PLEKHA5: variants seen among roughly 807,000 people sequenced by gnomAD.
PLEKHA5 encodes pleckstrin homology domain-containing family A member 5.
PLEKHA5 carries 55 observed loss-of-function variants against 181.9 expected under a neutral mutation model. The observed-to-expected ratio is 0.30, with a 90% CI of 0.24 to 0.38. PLEKHA5 has a LOEUF of 0.38. PLEKHA5 is among the 10% of genes least tolerant of loss of function. The probability of loss-of-function intolerance (pLI) is 1.00; values close to 1 mark genes in which losing one functional copy is unlikely to be tolerated. For synonymous variants in PLEKHA5, 535 were observed against 529.4 expected (o/e 1.01, Z -0.15); for missense variants, 1,432 against 1,549.5 (o/e 0.92, Z 1.27).
chr12:19,356,447 G>A (rs2094931828), intron 26 of PLEKHA5, among the ~76,000 whole-genome samples: 1 of 152,010 alleles, frequency 6.6e-6, no homozygotes, highest in Non-Finnish European at 1.5e-5. Context: ...TTGAGCCCAG[G>A]AGGTCGAGGT....
At chr12:19,277,526 A>G (rs1035608244) in intron 11 of PLEKHA5, among the ~76,000 whole-genome samples, 1 of 152,132 alleles carries the variant, frequency 6.6e-6, no homozygotes. Flanking sequence ...GGTTCCTCCT[A>G]CATTTTTGGG....
At position 19,366,098 on chromosome 12, in the gene PLEKHA5, A is replaced by G; in HGVS notation, c.3743A>G (p.Gln1248Arg). 6.2e-7 allele frequency: 1 copy of G among 1,611,026 alleles called. No homozygotes were observed. Residue 1248 changes from glutamine (Q) to arginine (R), a missense_variant, in exon 30 of 32, where the codon CAA becomes CGA. Gln to Arg is a conservative substitution (Grantham distance 43). This residue lies in a region of PLEKHA5 where 1,143 missense variants were observed against 1,168.4 expected (regional missense o/e 0.98). Coordinates refer to ENST00000429027, the MANE Select transcript of PLEKHA5 (RefSeq NM_001256470.2). The part of the protein sequence containing the change: ...ESTPEVSRGN[Q>R]TMAVKSLSPS... ...ACTCCTGAGGTTTCTAGAGGAAATC[A>G]AACAATGGCAGGTAGGTAGTATACA...
chr12:19,238,564 C>G (rs988444348), intron 3 of PLEKHA5, among the ~76,000 whole-genome samples: 1 of 151,912 alleles, frequency 6.6e-6, no homozygotes, highest in African/African-American at 2.4e-5. Flanking sequence ...ATTTCTATTC[C>G]CTTTTAAAAT....
chr12:19,323,537 G>A (rs181762036), intron 20 of PLEKHA5, among the ~76,000 whole-genome samples: 1 of 151,626 alleles, frequency 6.6e-6, no homozygotes, highest in African/African-American at 2.4e-5. Flanking sequence ...AAATAGCAAG[G>A]CTGGGTGCGG....
chr12:19,288,609 GTTTTA>G (rs1273584367), intron 13 of PLEKHA5, among the ~76,000 whole-genome samples: 6 of 152,064 alleles, frequency 3.9e-5, no homozygotes, highest in African/African-American at 7.2e-5. Flanking sequence ...TAAAAACATT[GTTTTA>G]TTTTATCTTT....
At chr12:19,367,444 A>G (rs180996993) in intron 30 of PLEKHA5, among the ~76,000 whole-genome samples, 2,015 of 141,660 alleles carry the variant, frequency 0.014, 39 homozygotes, top group African/African-American at 0.05. Flanking sequence ...TTGTAGAGGC[A>G]GGGTCTCGCC....
chr12:19,157,804 A>G (rs1283272486), intron 3 of PLEKHA5, among the ~76,000 whole-genome samples: 1 of 152,182 alleles, frequency 6.6e-6, no homozygotes, highest in African/African-American at 2.4e-5. Flanking sequence ...ATTTTTTATC[A>G]ATTGTGCTTT....
chr12:19,174,193 T>A (rs190831041), intron 3 of PLEKHA5, among the ~76,000 whole-genome samples: 133 of 152,320 alleles, frequency 8.7e-4, no homozygotes, highest in African/African-American at 3.1e-3. Flanking sequence ...TAAATGCCTG[T>A]AAGGGGCATG....
chr12:19,239,261 T>C (rs1323798094), intron 3 of PLEKHA5, among the ~76,000 whole-genome samples: 4 of 152,198 alleles, frequency 2.6e-5, no homozygotes, highest in Non-Finnish European at 5.9e-5. Flanking sequence ...GTTGATAGCA[T>C]GCCCTGCGTT....
intron 3 of PLEKHA5, among the ~76,000 whole-genome samples, chr12:19,169,194 A>T (rs564003571): frequency 6.6e-6 from 1 of 152,226 alleles, no homozygotes; most frequent in Non-Finnish European, 1.5e-5. Flanking sequence ...TAACTTAAGG[A>T]ACAATGTTGA....
In PLEKHA5 at chr12:19,358,412, G is replaced by A; in HGVS notation, c.3323G>A (p.Arg1108Lys). The change falls in exon 27 of 32, where the codon AGG (arginine) becomes AAG (lysine). Residue 1108 changes from arginine (R) to lysine (K), a missense_variant. Transcript: ENST00000429027. The stretch of plus-strand genomic sequence containing the variant: ...CCCTTACAAAGCCCTTCAAATTTAA[G>A]GGATAATCCATTTAGGACTACTCAG... ...QSPLQSPSNL[R>K]DNPFRTTQTR... The A allele has an allele frequency of 6.2e-7, 1 of 1,611,776 alleles. No individual in the cohort carries two copies. The highest frequency in any genetic ancestry group is 1.3e-5 in the African/African-American group (1 of 74,936).
intron 10 of PLEKHA5, among the ~76,000 whole-genome samples, chr12:19,272,059 A>G (rs1429516703): frequency 6.6e-6 from 1 of 152,164 alleles, no homozygotes; most frequent in Non-Finnish European, 1.5e-5. Context: ...GTAATACAAC[A>G]TCCAGTTTTT....
chr12:19,253,063 C>CTTTTTTTTTTTTTT (rs1314175368), intron 3 of PLEKHA5, among the ~76,000 whole-genome samples: 1 of 51,992 alleles, frequency 1.9e-5, no homozygotes, highest in Admixed American at 2.1e-4. Flanking sequence ...AATCAACTTA[C>CTTTTTTTTTTTTTT]CTTTTTTTTT....
At chr12:19,188,879 C>G (rs1386840400) in intron 3 of PLEKHA5, among the ~76,000 whole-genome samples, 1 of 152,094 alleles carries the variant, frequency 6.6e-6, no homozygotes, top group African/African-American at 2.4e-5. Context: ...TAAAAGAAAG[C>G]CTTTCAATGA....
chr12:19,322,729 T>C (rs2091178827), intron 20 of PLEKHA5, 62 bp downstream of exon 20: 14 of 1,185,244 alleles, frequency 1.2e-5, no homozygotes, highest in Non-Finnish European at 1.7e-5. Context: ...TATTTTCTTC[T>C]CTTTTTTTTA....
At chr12:19,309,710 A>G (rs1592434214) in intron 15 of PLEKHA5, among the ~76,000 whole-genome samples, 1 of 151,716 alleles carries the variant, frequency 6.6e-6, no homozygotes, top group Non-Finnish European at 1.5e-5. Context: ...GTGCCACTGC[A>G]CTCCAGCCTG....
At chr12:19,218,655 G>C (rs866212730) in intron 3 of PLEKHA5, among the ~76,000 whole-genome samples, 1 of 151,952 alleles carries the variant, frequency 6.6e-6, no homozygotes, top group Non-Finnish European at 1.5e-5. Context: ...CATGTCTAAA[G>C]TTGTATGATT....
intron 3 of PLEKHA5, among the ~76,000 whole-genome samples, chr12:19,235,313 C>G (rs1031719627): frequency 2.0e-5 from 3 of 152,156 alleles, no homozygotes; most frequent in African/African-American, 7.2e-5. Flanking sequence ...AGTTGTAAGA[C>G]AACTCAGATT....
At chr12:19,306,096 T>C (rs2083422917) in intron 15 of PLEKHA5, among the ~76,000 whole-genome samples, 1 of 152,020 alleles carries the variant, frequency 6.6e-6, no homozygotes, top group Non-Finnish European at 1.5e-5. Context: ...AAACAAGTTA[T>C]TCGTATTTGC....
Sources: allele counts gnomAD v4.1 joint callset (sites outside exome capture counted in the v4.1 genomes callset), GRCh38; gene constraint gnomAD v4.1.1; regional missense constraint gnomAD v4.1.1; transcripts MANE v1.5; gene names NCBI Gene and HGNC (gene_info 2026-07-23, HGNC 2026-07-21).